ROR2: variants seen among roughly 807,000 people sequenced by gnomAD.
ROR2 encodes tyrosine-protein kinase transmembrane receptor ROR2.
Under a neutral mutation model 74.9 loss-of-function variants are expected in ROR2, and 33 were observed. The observed-to-expected ratio is 0.44, with a 90% CI of 0.33 to 0.59. The LOEUF (loss-of-function observed/expected upper bound fraction) is 0.59, where lower values mean the gene tolerates loss of function less well. Ranked by LOEUF, ROR2 falls within the 20% of genes least tolerant of loss-of-function variation. The pLI is 0.02. For synonymous variants in ROR2, 586 were observed against 558.7 expected (o/e 1.05, Z -0.69); for missense variants, 1,216 against 1,313.8 (o/e 0.93, Z 1.15).
At chr9:91,737,042 C>T (rs1825053538) in intron 5 of ROR2, among the ~76,000 whole-genome samples, 3 of 152,282 alleles carry the variant, frequency 2.0e-5, no homozygotes, top group South Asian at 2.1e-4. Context: ...AGTGTGGGGG[C>T]GCTGAGGCTA....
intron 1 of ROR2, among the ~76,000 whole-genome samples, chr9:91,784,168 C>T (rs1210972182): frequency 1.3e-5 from 2 of 152,214 alleles, no homozygotes; most frequent in African/African-American, 4.8e-5. Context: ...CCAGCTGCAA[C>T]AGTGCTGATT....
chr9:91,757,212 T>C, intron 3 of ROR2, 60 bp downstream of exon 3: 4 of 1,607,650 alleles, frequency 2.5e-6, no homozygotes, highest in Non-Finnish European at 3.4e-6. Flanking sequence ...CTGGACCTCT[T>C]GCTCGGTGGC....
intron 1 of ROR2, among the ~76,000 whole-genome samples, chr9:91,856,590 G>A (rs980664830): frequency 3.9e-5 from 6 of 152,196 alleles, no homozygotes; most frequent in Non-Finnish European, 8.8e-5. Context: ...TGATGAGTCA[G>A]GGAGAGGACA....
intron 1 of ROR2, among the ~76,000 whole-genome samples, chr9:91,792,366 A>G (rs542872742): frequency 0.034 from 3,891 of 115,954 alleles, 76 homozygotes; most frequent in Non-Finnish European, 0.033. Flanking sequence ...GGAGTGCAGT[A>G]GTGCAATCTC....
chr9:91,870,464 C>T (rs1188053352), intron 1 of ROR2, among the ~76,000 whole-genome samples: 1 of 152,186 alleles, frequency 6.6e-6, no homozygotes, highest in Non-Finnish European at 1.5e-5. Flanking sequence ...AGCCAGGGCT[C>T]CCAACATCTA....
chr9:91,823,868 T>C (rs554130682), intron 1 of ROR2, among the ~76,000 whole-genome samples: 2 of 152,188 alleles, frequency 1.3e-5, no homozygotes, highest in Admixed American at 1.3e-4. Context: ...GCCCAAGGCA[T>C]CTCAATCTCC....
chr9:91,813,658 G>C (rs1160110983), intron 1 of ROR2, among the ~76,000 whole-genome samples: 3 of 152,204 alleles, frequency 2.0e-5, no homozygotes, highest in Non-Finnish European at 2.9e-5. Flanking sequence ...ACCCAGAGCA[G>C]CTTCTGGAAG....
At chr9:91,809,601 CA>C (rs1827678419) in intron 1 of ROR2, among the ~76,000 whole-genome samples, 1 of 152,238 alleles carries the variant, frequency 6.6e-6, no homozygotes, top group African/African-American at 2.4e-5. Context: ...GGTCCAGGGC[CA>C]AAGCCAAATC....
At position 91,949,949 on chromosome 9, in the gene ROR2, C is replaced by G. The variant is rs765439594; in HGVS notation, c.15G>C (p.Ser5=). The G allele has an allele frequency of 5.3e-6, 8 of 1,506,830 alleles. No individual in the cohort carries two copies. The East Asian group carries it at 8.0e-5, about 15-fold the overall frequency. 93.3% of individuals were successfully genotyped at this position (1,506,830 alleles called of 1,614,324 possible). The part of the protein sequence containing the change: MARG[S]ALPRRPLLCI... ...ACAGCAGCGGCCGCCGCGGGAGCGCCGAGCCCCGGGCCATGCCGCAGGCAG... is the reference window on the plus strand; with the variant it reads ...ACAGCAGCGGCCGCCGCGGGAGCGCGGAGCCCCGGGCCATGCCGCAGGCAG... Residue 5 remains serine, a synonymous_variant, in exon 1 of 9, where the codon TCG becomes TCC. Transcript: ENST00000375708.
chr9:91,915,655 C>T (rs1214739990), intron 1 of ROR2, among the ~76,000 whole-genome samples: 1 of 130,586 alleles, frequency 7.7e-6, no homozygotes, highest in African/African-American at 2.8e-5. Context: ...AGGTGGGGGG[C>T]GGGGGGAGGT....
chr9:91,770,762 G>A (rs1490174462), intron 2 of ROR2, among the ~76,000 whole-genome samples: 1 of 152,154 alleles, frequency 6.6e-6, no homozygotes, highest in Non-Finnish European at 1.5e-5. Context: ...ATGTTTGCAG[G>A]GATGATCCCA....
intron 1 of ROR2, among the ~76,000 whole-genome samples, chr9:91,892,071 A>G (rs949431315): frequency 6.7e-6 from 1 of 149,356 alleles, no homozygotes; most frequent in East Asian, 1.9e-4. Context: ...AAAAAAAAAA[A>G]GCCAGCACAG....
chr9:91,943,639 G>T (rs758004631), intron 1 of ROR2, among the ~76,000 whole-genome samples: 2 of 152,104 alleles, frequency 1.3e-5, no homozygotes, highest in African/African-American at 2.4e-5. Context: ...TGCCAGTTTT[G>T]CTTTCAGGTT....
At chr9:91,925,631 C>T (rs550581854) in intron 1 of ROR2, among the ~76,000 whole-genome samples, 16 of 152,328 alleles carry the variant, frequency 1.1e-4, no homozygotes, top group Non-Finnish European at 1.9e-4. Context: ...AATACATGCA[C>T]ACACCTAAGT....
At chr9:91,760,428 T>C (rs538705595) in intron 2 of ROR2, among the ~76,000 whole-genome samples, 3 of 152,178 alleles carry the variant, frequency 2.0e-5, no homozygotes, top group South Asian at 4.1e-4. Flanking sequence ...GGTCAGGAGA[T>C]GGAGACAATC....
At chr9:91,827,665 A>G (rs147735190) in intron 1 of ROR2, among the ~76,000 whole-genome samples, 89 of 152,316 alleles carry the variant, frequency 5.8e-4, no homozygotes, top group African/African-American at 2.0e-3. Context: ...GACTGGTCCA[A>G]TGTACAGATC....
intron 1 of ROR2, among the ~76,000 whole-genome samples, chr9:91,838,680 C>A (rs1828686060): frequency 6.6e-6 from 1 of 151,794 alleles, no homozygotes; most frequent in African/African-American, 2.4e-5. Flanking sequence ...CCCCGAGCAC[C>A]ACGGCCGGCG....
chr9:91,791,129 ACT>A (rs1826960884), intron 1 of ROR2, among the ~76,000 whole-genome samples: 1 of 152,190 alleles, frequency 6.6e-6, no homozygotes, highest in African/African-American at 2.4e-5. Flanking sequence ...CGACTCACTC[ACT>A]GATTCACCCA....
At chr9:91,841,015 G>T (rs746133063) in intron 1 of ROR2, among the ~76,000 whole-genome samples, 3 of 152,216 alleles carry the variant, frequency 2.0e-5, no homozygotes, top group Non-Finnish European at 4.4e-5. Context: ...CTCCTTATAT[G>T]TAATACAGCA....
Sources: gnomAD v4.1 joint callset for allele counts (sites outside exome capture counted in the v4.1 genomes callset) on GRCh38, gnomAD v4.1.1 for gene constraint, MANE v1.5 for transcripts, NCBI Gene and HGNC (gene_info 2026-07-23, HGNC 2026-07-21) for gene names.